The following BPIFB2 variants were observed in gnomAD, a reference collection of about 807,000 sequenced individuals.
The protein encoded by BPIFB2 is BPI fold-containing family B member 2.
Under a neutral mutation model 50.1 loss-of-function variants are expected in BPIFB2, and 39 were observed. The ratio of observed to expected loss-of-function variants is 0.78; its 90% CI spans 0.60 to 1.02. BPIFB2 has a LOEUF of 1.02. Ranked by LOEUF, BPIFB2 falls within the 50% of genes least tolerant of loss-of-function variation. BPIFB2 has a pLI of 0.00. For synonymous variants in BPIFB2, 280 were observed against 256.3 expected (o/e 1.09, Z -0.88); for missense variants, 574 against 585.8 (o/e 0.98, Z 0.21).
chr20:33,012,867 C>A lies in BPIFB2; in HGVS notation c.268C>A (p.Arg90Ser). The A allele has an allele frequency of 1.2e-6, 2 of 1,613,870 alleles. No homozygotes were observed. Among genetic ancestry groups the A allele is most frequent in the Non-Finnish European group, 1.7e-6 (2 of 1,179,876 alleles). The stretch of plus-strand genomic sequence containing the variant: ...GAAATTCATTGCTGGTTTCGGAGTG[C>A]GCCTGCTGGCAGCAGCTAATTTTAC... ...HLKFIAGFGV[R>S]LLAAANFTFK... The change falls in exon 4 of 16, where the codon CGC becomes AGC. Residue 90 changes from arginine to serine, a missense_variant. Transcript: ENST00000170150.
In BPIFB2 at chr20:33,015,472, C is replaced by G; in HGVS notation, c.492C>G (p.His164Gln). The G allele has an allele frequency of 6.2e-7, 1 of 1,613,394 alleles. No individual in the cohort carries two copies. Among genetic ancestry groups the G allele is most frequent in the Non-Finnish European group, 8.5e-7 (1 of 1,179,722 alleles). Residue 164 changes from histidine (H) to glutamine (Q), a missense_variant, in exon 6 of 16, where the codon CAC (histidine) becomes CAG (glutamine). Coordinates refer to ENST00000170150, the MANE Select transcript of BPIFB2 (RefSeq NM_025227.3). ...SHALLVLVQKHIKAVLSNKLC... is the reference protein window; with the variant it reads ...SHALLVLVQKQIKAVLSNKLC... ...CGCTGCTGGTCCTGGTGCAGAAGCA[C>G]ATTAAAGCTGTCTTGAGTAACAAGG... is the stretch of plus-strand genomic sequence containing the variant.
rs764954423 is a variant in BPIFB2 at position 33,018,722 on chromosome 20, G to T, written c.755G>T (p.Gly252Val). Residue 252 changes from glycine to valine, a missense_variant, in exon 9 of 16, where the codon GGC (glycine) becomes GTC (valine). Physicochemically the swap from Gly to Val is moderately radical, Grantham distance 109. Coordinates refer to ENST00000170150, the MANE Select transcript of BPIFB2 (RefSeq NM_025227.3). ...TTGCCAAGGCATGTGGGTACCGAGG[G>T]CTCCATGGCCACCGTGGGCCTCTCC... is the stretch of plus-strand genomic sequence containing the variant. Reference protein sequence around the residue: ...FVLPRHVGTEGSMATVGLSQQ... With the variant: ...FVLPRHVGTEVSMATVGLSQQ... 5.0e-6 allele frequency: 8 copies of T among 1,614,204 alleles called. No homozygotes were observed. The highest frequency in any genetic ancestry group is 2.2e-5 in the East Asian group (1 of 44,882).
At chr20:33,015,412 A>G in intron 5 of BPIFB2, 24 bp from the exon 6 acceptor site, 2 of 1,603,142 alleles carry the variant, frequency 1.2e-6, no homozygotes, top group African/African-American at 1.3e-5. Context: ...GAGCCCAGGA[A>G]CTCTTTCTGT....
Position 33,013,932 on chromosome 20 carries a change from C to G in BPIFB2, c.431C>G (p.Ala144Gly), listed in dbSNP as rs1209337163. 1 of 1,613,744 alleles carries G rather than the reference C, an allele frequency of 6.2e-7. No homozygotes were observed. The highest frequency in any genetic ancestry group is 1.7e-5 in the Admixed American group (1 of 60,002). Residue 144 changes from alanine to glycine, a missense_variant, in exon 5 of 16, where the codon GCC becomes GGC. Coordinates refer to ENST00000170150, the MANE Select transcript of BPIFB2 (RefSeq NM_025227.3). ...ISACSLFSGHANEFDGSNSTS... is the reference protein window; with the variant it reads ...ISACSLFSGHGNEFDGSNSTS... ...GCCTGCTCTTTATTCTCGGGCCACG[C>G]CAACGAGTTTGATGGCAGTAACAGG... is the stretch of plus-strand genomic sequence containing the variant.
chr20:33,020,699 C>G, intron 13 of BPIFB2, 112 bp downstream of exon 13: 1 of 1,282,898 alleles, frequency 7.8e-7, no homozygotes, highest in East Asian at 2.5e-5. Flanking sequence ...GTGTGTGCCA[C>G]TATAGTCAGG....
intron 13 of BPIFB2, among the ~76,000 whole-genome samples, chr20:33,021,031 C>A (rs559560365): frequency 2.0e-5 from 3 of 152,166 alleles, no homozygotes; most frequent in Non-Finnish European, 4.4e-5. Context: ...CAGTGCCTGT[C>A]CCTCAGCCTC....
chr20:33,014,343 C>T (rs745829241), intron 5 of BPIFB2, among the ~76,000 whole-genome samples: 5 of 152,210 alleles, frequency 3.3e-5, no homozygotes, highest in African/African-American at 4.8e-5. Flanking sequence ...AGCCAGCTCT[C>T]GCAGGCCAGG....
chr20:33,019,699 C>A lies in BPIFB2; in HGVS notation c.1029C>A (p.Val343=). The A allele has an allele frequency of 6.8e-6, 11 of 1,612,078 alleles. No individual in the cohort carries two copies. Among genetic ancestry groups the A allele is most frequent in the Non-Finnish European group, 9.3e-6 (11 of 1,179,128 alleles). ...TGCGGCTGCAGCCCTTCGTGGAGGT[C>A]CTGGCCACAGCCTCCAACTCGGCTT... is the stretch of plus-strand genomic sequence containing the variant. ...ATLRLQPFVE[V]LATASNSAFQ... is the part of the protein sequence containing the mutation. The change falls in exon 11 of 16, where the codon GTC becomes GTA. Residue 343 remains valine, a synonymous_variant. Transcript: ENST00000170150.
intron 5 of BPIFB2, 129 bp from the exon 6 acceptor site, chr20:33,015,307 G>A (rs1978376448): frequency 2.8e-6 from 2 of 703,162 alleles, no homozygotes; most frequent in Non-Finnish European, 4.6e-6. Context: ...AGATGGCAGG[G>A]CATCGAATGG....
chr20:33,020,208 T>C (rs1053032440), intron 11 of BPIFB2, 120 bp from the exon 12 acceptor site: 6 of 944,440 alleles, frequency 6.4e-6, no homozygotes, highest in Non-Finnish European at 9.9e-6. Flanking sequence ...GCCTGGCACA[T>C]AGCAGGGGCT....
At chr20:33,014,447 C>T (rs184214622) in intron 5 of BPIFB2, among the ~76,000 whole-genome samples, 34 of 152,320 alleles carry the variant, frequency 2.2e-4, no homozygotes, top group Admixed American at 7.8e-4. Flanking sequence ...TAGATCATTT[C>T]GTTTGATCCT....
Position 33,023,433 on chromosome 20 carries a change from A to T in BPIFB2, c.*50A>T, listed in dbSNP as rs1364086598. On this transcript the variant is annotated 3_prime_UTR_variant, in exon 16 of 16. Coordinates refer to ENST00000170150, the MANE Select transcript of BPIFB2 (RefSeq NM_025227.3). The stretch of plus-strand genomic sequence containing the variant: ...AGTGGGCCAGCTCGCTGCTCAGGCG[A>T]ATTTCTCATTTCAAGCCACTGGGGA... The T allele has an allele frequency of 6.3e-7, 1 of 1,590,236 alleles. No homozygotes were observed. Among genetic ancestry groups the T allele is most frequent in the East Asian group, 2.2e-5 (1 of 44,736 alleles).
At chr20:33,011,899 A>C (rs1990294325) in intron 3 of BPIFB2, among the ~76,000 whole-genome samples, 1 of 152,232 alleles carries the variant, frequency 6.6e-6, no homozygotes, top group Non-Finnish European at 1.5e-5. Flanking sequence ...GAATCTCTTG[A>C]ACCTGGGAGG....
At chr20:33,010,907 A>T in intron 2 of BPIFB2, 117 bp from the exon 3 acceptor site, 2 of 868,758 alleles carry the variant, frequency 2.3e-6, no homozygotes, top group Non-Finnish European at 3.7e-6. Flanking sequence ...GAGTAAGCCT[A>T]CCCCTTCCAG....
chr20:33,018,873 G>A, intron 9 of BPIFB2, 51 bp downstream of exon 9: 1 of 1,583,742 alleles, frequency 6.3e-7, no homozygotes, highest in Non-Finnish European at 8.6e-7. Flanking sequence ...GCTCCCTGTG[G>A]CCCAGCCTAG....
intron 5 of BPIFB2, among the ~76,000 whole-genome samples, chr20:33,014,895 C>A (rs1978359817): frequency 6.6e-6 from 1 of 152,196 alleles, no homozygotes. Context: ...CTCCCACCTC[C>A]CCCCCAGGGA....
chr20:33,020,656 G>A, intron 13 of BPIFB2, 69 bp downstream of exon 13: 1 of 1,494,126 alleles, frequency 6.7e-7, no homozygotes, highest in Non-Finnish European at 9.0e-7. Context: ...CTGGGGAAGA[G>A]ATGGCTGTGT....
chr20:33,020,264 C>A, intron 11 of BPIFB2, 64 bp from the exon 12 acceptor site: 1 of 1,492,340 alleles, frequency 6.7e-7, no homozygotes, highest in Non-Finnish European at 9.3e-7. Flanking sequence ...GGGTGGGAGG[C>A]TGGGTGGCTG....
chr20:33,023,291 G>T, intron 15 of BPIFB2, 51 bp from the exon 16 acceptor site: 1 of 1,578,904 alleles, frequency 6.3e-7, no homozygotes, highest in South Asian at 1.1e-5. Flanking sequence ...GGCGGCTGGG[G>T]TCCTGCCTGT....
Sources: allele counts gnomAD v4.1 joint callset (sites outside exome capture counted in the v4.1 genomes callset), GRCh38; gene constraint gnomAD v4.1.1; transcripts MANE v1.5; gene names NCBI Gene and HGNC (gene_info 2026-07-23, HGNC 2026-07-21).